PLEC: variants seen among roughly 807,000 people sequenced by gnomAD.
The protein encoded by PLEC is plectin, also known as hemidesmosomal protein 1.
PLEC carries 216 observed loss-of-function variants against 392.8 expected under a neutral mutation model. That is an observed-to-expected ratio of 0.55 (90% CI 0.49 to 0.62). The LOEUF (loss-of-function observed/expected upper bound fraction) is 0.62. Ranked by LOEUF, PLEC falls within the 20% of genes least tolerant of loss-of-function variation. The pLI is 0.00. For missense variants in PLEC, 6,863 were observed against 6,563.4 expected, an observed-to-expected ratio of 1.05 and a Z score of -1.58; for synonymous variants, 3,621 against 2,980.6, an observed-to-expected ratio of 1.21 and a Z score of -7.00.
rs1554696451 is a variant in PLEC, at chr8:143,924,263, G to C, written c.5666C>G (p.Ala1889Gly). The C allele has an allele frequency of 1.3e-6, 2 of 1,597,466 alleles. No homozygotes were observed. Among genetic ancestry groups the C allele is most frequent in the South Asian group, 1.1e-5 (1 of 90,986 alleles). Residue 1889 changes from alanine (A) to glycine (G), a missense_variant, in exon 31 of 32, where the codon GCT becomes GGT. Ala to Gly is a moderately conservative substitution (Grantham distance 60, BLOSUM62 0). Coordinates refer to ENST00000345136, the MANE Select transcript of PLEC (RefSeq NM_201384.3). Reference sequence around the variant, plus strand: ...CTGGGCCAGGCGCTCCTCGATGTCAGCCTTGTGTTGCGCGGCCTGCTCCTC... The same window carrying C: ...CTGGGCCAGGCGCTCCTCGATGTCACCCTTGTGTTGCGCGGCCTGCTCCTC... ...RLEEQAAQHK[A>G]DIEERLAQLR... is the part of the protein sequence containing the mutation.
In PLEC at chr8:143,932,082, C is replaced by G. The variant is rs782524714; in HGVS notation, c.2082+48G>C. On this transcript the variant is annotated intron_variant, in intron 17 of 31. Coordinates refer to ENST00000345136, the MANE Select transcript of PLEC (RefSeq NM_201384.3). ...GGCCCCGCCCCGCCCCGCCTGGGGA[C>G]CCGGCACGGCCCCCCCCGCAGCCCC... is the stretch of plus-strand genomic sequence containing the variant. 5 of 1,563,238 alleles carry G rather than the reference C, an allele frequency of 3.2e-6. No individual in the cohort carries two copies. The South Asian group carries it at 4.6e-5, about 14-fold the overall frequency.
intron 1 of PLEC, among the ~76,000 whole-genome samples, chr8:143,965,946 G>A (rs1165519872): frequency 3.3e-5 from 5 of 152,116 alleles, no homozygotes; most frequent in African/African-American, 9.7e-5. Flanking sequence ...GACCTGCTGC[G>A]GCCTAGCCTC....
upstream of PLEC, chr8:143,939,601 C>T (rs1436287793): frequency 6.0e-6 from 9 of 1,488,500 alleles, no homozygotes; most frequent in Middle Eastern, 2.4e-4. Context: ...GAGCCCCAGT[C>T]GGTGCGGCCA....
chr8:143,925,638 C>A lies in PLEC; in HGVS notation c.4291G>T (p.Ala1431Ser). 3.2e-6 allele frequency: 5 copies of A among 1,583,964 alleles called. No individual in the cohort carries two copies. The highest frequency in any genetic ancestry group is 3.4e-6 in the Non-Finnish European group (4 of 1,172,414). ...TGCCGGGCCTTGGCCTGGATCTCCG[C>A]CTCCGAGCTCTGCCGCAGCTGCTGC... ...ELQQLRQSSE[A>S]EIQAKARQAE... Residue 1431 changes from alanine to serine, a missense_variant, in exon 31 of 32, where the codon GCG (alanine) becomes TCG (serine). By Grantham distance (99) the Ala-to-Ser change is moderately conservative (BLOSUM62 1). Coordinates refer to ENST00000345136, the MANE Select transcript of PLEC (RefSeq NM_201384.3).
intron 1 of PLEC, chr8:143,946,581 A>C (rs1831511470): frequency 2.8e-6 from 1 of 354,828 alleles, no homozygotes; most frequent in South Asian, 2.1e-5. Context: ...CCAGCCCAGC[A>C]GACCTGCCTG....
upstream of PLEC, chr8:143,958,681 C>T (rs782475385): frequency 8.8e-6 from 4 of 454,554 alleles, no homozygotes; most frequent in South Asian, 1.5e-5. This position sits in a 1 kb window ranked among gnomAD's most constrained non-coding sequence, Gnocchi z 4.9. Flanking sequence ...GGAGGCCCTC[C>T]TCACGCAGGC....
chr8:143,923,488 C>T lies in PLEC; in HGVS notation c.6441G>A (p.Ala2147=), dbSNP rs7016416. Residue 2147 remains alanine, a synonymous_variant, in exon 31 of 32, where the codon GCG becomes GCA. Transcript: ENST00000345136. ...KLRKEAEQEA[A]RRAQAEQAAL... is the part of the protein sequence containing the mutation. ...CCGCCTGCTCCGCCTGTGCCCGCCGCGCCGCCTCTTGCTCGGCCTCCTTGC... is the reference window on the plus strand; with the variant it reads ...CCGCCTGCTCCGCCTGTGCCCGCCGTGCCGCCTCTTGCTCGGCCTCCTTGC... The T allele has an allele frequency of 0.39, 621,833 of 1,604,480 alleles. 127,005 individuals are homozygous for T. The highest frequency in any genetic ancestry group is 0.42 in the Non-Finnish European group (496,720 of 1,179,030).
At chr8:143,966,868 C>T (rs1029894566) in intron 1 of PLEC, among the ~76,000 whole-genome samples, 4 of 152,190 alleles carry the variant, frequency 2.6e-5, no homozygotes, top group African/African-American at 9.6e-5. Context: ...AGCATGACAT[C>T]GAGCCTCCTT....
rs782584101 is a variant in PLEC, at chr8:143,924,364, C to A, written c.5565G>T (p.Ala1855=). The change falls in exon 31 of 32, where the codon GCG becomes GCT. Residue 1855 remains alanine (A), a synonymous_variant. Transcript: ENST00000345136. ...CGTTCTCCGCCTCCTTCTCCTTGAG[C>A]GCGATCTCCGCCTCCGTCTTGAGCC... The part of the protein sequence containing the change: ...ATRLKTEAEI[A]LKEKEAENER... The A allele has an allele frequency of 1.9e-6, 3 of 1,596,778 alleles. No individual in the cohort carries two copies. Among genetic ancestry groups the A allele is most frequent in the East Asian group, 2.2e-5 (1 of 44,776 alleles).
intron 1 of PLEC, among the ~76,000 whole-genome samples, chr8:143,970,723 C>A (rs1224835177): frequency 1.3e-5 from 2 of 152,186 alleles, no homozygotes; most frequent in Non-Finnish European, 2.9e-5. Flanking sequence ...TGCATTGCCA[C>A]AACTCTCTCC....
rs1554673527 is a variant in PLEC, at chr8:143,917,934, C to T, written c.11887G>A (p.Ala3963Thr). ...GCCTGCGCCTCCAGGAGCTCAAAGG[C>T]TGTGCCGGGGCGGATGATGCCCTTC... ...MKKGIIRPGT[A>T]FELLEAQAAT... The change falls in exon 32 of 32, where the codon GCC becomes ACC. Residue 3963 changes from alanine (A) to threonine (T), a missense_variant. Ala to Thr is a moderately conservative substitution (Grantham distance 58). Transcript: ENST00000345136. 6.2e-7 allele frequency: 1 copy of T among 1,613,158 alleles called. No homozygotes were observed. The highest frequency in any genetic ancestry group is 8.5e-7 in the Non-Finnish European group (1 of 1,179,996).
chr8:143,966,828 C>T (rs2132920746), intron 1 of PLEC, among the ~76,000 whole-genome samples: 1 of 152,234 alleles, frequency 6.6e-6, no homozygotes, highest in East Asian at 1.9e-4. Context: ...ACCCACAAGC[C>T]CACGGCCAGA....
chr8:143,956,082 G>A (rs1587385073), upstream of PLEC, among the ~76,000 whole-genome samples: 1 of 151,958 alleles, frequency 6.6e-6, no homozygotes. Context: ...TCTGCAGCTG[G>A]GACTACGGAT....
upstream of PLEC, chr8:143,942,666 C>T (rs971795412): frequency 3.1e-5 from 32 of 1,046,188 alleles, no homozygotes; most frequent in African/African-American, 3.7e-4. Context: ...ACTGCGGGAG[C>T]GAGGCCCAGA....
Position 143,932,433 on chromosome 8 carries a change from G to A in PLEC, c.1944C>T (p.Asn648=). 1 of 1,612,882 alleles carries A rather than the reference G, an allele frequency of 6.2e-7. No individual in the cohort carries two copies. Among genetic ancestry groups the A allele is most frequent in the Non-Finnish European group, 8.5e-7 (1 of 1,179,978 alleles). The part of the protein sequence containing the change: ...EEVGFDWSDR[N]TNMTAKKESY... ...TCTCCTTCTTGGCGGTCATGTTGGT[G>A]TTGCGGTCGCTCCAGTCGAAGCCCA... The change falls in exon 16 of 32, where the codon AAC becomes AAT. Residue 648 remains asparagine (N), a synonymous_variant. Coordinates refer to ENST00000345136, the MANE Select transcript of PLEC (RefSeq NM_201384.3).
chr8:143,923,443 T>C lies in PLEC; in HGVS notation c.6486A>G (p.Ala2162=). 1.2e-6 allele frequency: 2 copies of C among 1,608,702 alleles called. No individual in the cohort carries two copies. Among genetic ancestry groups the C allele is most frequent in the East Asian group, 2.2e-5 (1 of 44,832 alleles). ...TATGCTTCTCCATCTCCGCGTCAGC[T>C]GCCTGCTTCTGCCGCAGGGCCGCCT... ...AEQAALRQKQ[A]ADAEMEKHKK... is the part of the protein sequence containing the mutation. Residue 2162 remains alanine, a synonymous_variant, in exon 31 of 32, where the codon GCA becomes GCG. Coordinates refer to ENST00000345136, the MANE Select transcript of PLEC (RefSeq NM_201384.3).
rs368477108 is a variant in PLEC at position 143,929,450 on chromosome 8, C to A, written c.3045G>T (p.Pro1015=). 25 of 1,588,646 alleles carry A rather than the reference C, an allele frequency of 1.6e-5. No individual in the cohort carries two copies. The Middle Eastern group carries it at 9.0e-4, about 57-fold the overall frequency. Residue 1015 remains proline, a synonymous_variant, in exon 24 of 32, where the codon CCG becomes CCT. Coordinates refer to ENST00000345136, the MANE Select transcript of PLEC (RefSeq NM_201384.3). ...HRLRLPLDKE[P]ARECAQRIAE... is the part of the protein sequence containing the mutation. ...CGATGCGCTGGGCACACTCCCGTGC[C>A]GGCTCTTTGTCCAGCGGCAGCCGCA... is the stretch of plus-strand genomic sequence containing the variant.
chr8:143,943,486 G>C (rs541270722), upstream of PLEC, among the ~76,000 whole-genome samples: 1 of 152,346 alleles, frequency 6.6e-6, no homozygotes, highest in South Asian at 2.1e-4. Context: ...TCCCTGCCAC[G>C]GCGGCTGCCA....
rs1833329775 is a variant in PLEC, at chr8:143,969,891, G to A, written c.70+3512C>T. On this transcript the variant is annotated intron_variant, in intron 1 of 31. Transcript: ENST00000356346. This position sits in a 1 kb window ranked among gnomAD's most constrained non-coding sequence, Gnocchi z 5.1. ...TGGTGAGTGGGTGGCGTTGGTGTGG[G>A]GCAGGGGCCAGGGGTGGGAGGCCTG... Among the ~76,000 whole-genome samples, 1 of 152,028 alleles carries A rather than the reference G, an allele frequency of 6.6e-6. No individual in the cohort carries two copies. Among genetic ancestry groups the A allele is most frequent in the Non-Finnish European group, 1.5e-5 (1 of 67,982 alleles).
Sources: allele counts gnomAD v4.1 joint callset (sites outside exome capture counted in the v4.1 genomes callset), GRCh38; gene constraint gnomAD v4.1.1; non-coding constraint Gnocchi (gnomAD v3.1); transcripts MANE v1.5; gene names NCBI Gene and HGNC (gene_info 2026-07-23, HGNC 2026-07-21).